Variants in PSTPIP2 observed in about 807,000 individuals in gnomAD.
The protein encoded by PSTPIP2 is proline-serine-threonine phosphatase-interacting protein 2.
A neutral mutation model predicts 63.3 loss-of-function variants in PSTPIP2; 33 were observed. The ratio of observed to expected loss-of-function variants is 0.52; its 90% CI spans 0.40 to 0.70. The LOEUF (loss-of-function observed/expected upper bound fraction) is 0.70. Among genes scored for constraint, PSTPIP2 ranks in the 30% least tolerant of loss-of-function variants. PSTPIP2 has a pLI of 0.00. For synonymous variants in PSTPIP2, 125 were observed against 132.7 expected (o/e 0.94, Z 0.40); for missense variants, 312 against 400.7 (o/e 0.78, Z 1.89).
Position 45,983,711 on chromosome 18 carries a change from T to TAAAGGC in PSTPIP2, c.*1747_*1748insGCCTTT, listed in dbSNP as rs1568205057. ...TATACTTAAAATAGAATGTTCTGAG[T>TAAAGGC]GTAAAGGAACATTTCCTGAGCCCGT... On this transcript the variant is annotated 3_prime_UTR_variant, in exon 15 of 15. Coordinates refer to ENST00000409746, the MANE Select transcript of PSTPIP2 (RefSeq NM_024430.4). The TAAAGGC allele has an allele frequency of 6.6e-6, 1 of 152,012 alleles. No individual in the cohort carries two copies. The highest frequency in any genetic ancestry group is 2.4e-5 in the African/African-American group (1 of 41,348). The allele number at this position is 152,012 out of a possible 1,614,324, so 9.4% of individuals were successfully genotyped here.
At chr18:46,009,774 C>T (rs770685490) in intron 5 of PSTPIP2, among the ~76,000 whole-genome samples, 2 of 152,194 alleles carry the variant, frequency 1.3e-5, no homozygotes, top group Non-Finnish European at 2.9e-5. Context: ...CGTGCCTAGA[C>T]TCTGGTTGTC....
intron 1 of PSTPIP2, among the ~76,000 whole-genome samples, chr18:46,048,474 C>A (rs974044443): frequency 6.6e-6 from 1 of 152,182 alleles, no homozygotes; most frequent in Non-Finnish European, 1.5e-5. Context: ...ACACAACCAC[C>A]TTGACCAAAG....
chr18:46,034,171 G>A (rs1907884693), intron 2 of PSTPIP2, among the ~76,000 whole-genome samples: 1 of 152,154 alleles, frequency 6.6e-6, no homozygotes, highest in South Asian at 2.1e-4. Flanking sequence ...GAGCTTATGG[G>A]GAAGAGTACA....
chr18:46,071,492 T>C (rs981266724), intron 1 of PSTPIP2, among the ~76,000 whole-genome samples: 7 of 152,020 alleles, frequency 4.6e-5, no homozygotes, highest in African/African-American at 1.7e-4. Context: ...CTCCAGCTTA[T>C]AGGGTCTCCC....
At position 46,039,931 on chromosome 18, in the gene PSTPIP2, C is replaced by CAG. The variant is rs781657797; in HGVS notation, c.134+14_134+15dup. Reference sequence around the variant, plus strand: ...CTTGGCCCACCCTCTTCAGAGAGGACAGAGCATCATCGTACCTTTCTTTTA... The same window carrying CAG: ...CTTGGCCCACCCTCTTCAGAGAGGACAGAGAGCATCATCGTACCTTTCTTTTA... On this transcript the variant is annotated intron_variant, in intron 2 of 14. Coordinates refer to ENST00000409746, the MANE Select transcript of PSTPIP2 (RefSeq NM_024430.4). 1.3e-6 allele frequency: 2 copies of CAG among 1,593,394 alleles called. No homozygotes were observed. The highest frequency in any genetic ancestry group is 1.3e-5 in the African/African-American group (1 of 74,554).
intron 13 of PSTPIP2, 35 bp from the exon 14 acceptor site, chr18:45,988,794 A>G (rs765522713): frequency 6.6e-7 from 1 of 1,505,036 alleles, no homozygotes; most frequent in South Asian, 1.1e-5. Flanking sequence ...CAACAGTAAC[A>G]TCAATTTTTC....
chr18:46,057,870 C>A (rs1462390851), intron 1 of PSTPIP2, among the ~76,000 whole-genome samples: 1 of 151,458 alleles, frequency 6.6e-6, no homozygotes, highest in Non-Finnish European at 1.5e-5. Flanking sequence ...TGGTGGCGGG[C>A]GCCTGTAGTC....
At chr18:46,038,034 G>A (rs1568225349) in intron 2 of PSTPIP2, among the ~76,000 whole-genome samples, 1 of 152,150 alleles carries the variant, frequency 6.6e-6, no homozygotes, top group Non-Finnish European at 1.5e-5. Context: ...CCATTTGTGA[G>A]CCATAAATCA....
chr18:46,012,280 A>C (rs560467225), intron 4 of PSTPIP2, among the ~76,000 whole-genome samples: 2 of 152,322 alleles, frequency 1.3e-5, no homozygotes, highest in South Asian at 2.1e-4. Flanking sequence ...GAAAAAAAAA[A>C]CAGCACAACC....
intron 1 of PSTPIP2, among the ~76,000 whole-genome samples, chr18:46,054,742 C>A (rs1280036291): frequency 6.6e-6 from 1 of 150,562 alleles, no homozygotes; most frequent in Non-Finnish European, 1.5e-5. Context: ...CTCACTGCAA[C>A]CTCTGCCTCC....
chr18:46,040,643 C>T (rs1599734644), intron 1 of PSTPIP2, among the ~76,000 whole-genome samples: 2 of 152,326 alleles, frequency 1.3e-5, no homozygotes. Context: ...ACATTTGTGT[C>T]AGTGTTGGGC....
At chr18:46,060,498 T>G (rs1421772948) in intron 1 of PSTPIP2, among the ~76,000 whole-genome samples, 1 of 152,200 alleles carries the variant, frequency 6.6e-6, no homozygotes, top group Non-Finnish European at 1.5e-5. Context: ...AGTGGTTAGC[T>G]GGGTGGCACT....
rs1392824473 is a variant in PSTPIP2 at position 45,999,626 on chromosome 18, AGGGCCG to A, written c.418-98_418-93del. The A allele has an allele frequency of 1.3e-4, 167 of 1,288,942 alleles. 2 individuals are homozygous for A. In the East Asian group the frequency reaches 3.8e-3, roughly 30 times the overall value. 79.8% of individuals were successfully genotyped at this position (1,288,942 alleles called of 1,614,324 possible). ...TTGGCCCAGGAAGTCCAGCATGGACAGGGCCGTCTGATTAGTGCTCTGATTGTCACT... is the reference window on the plus strand; with the variant it reads ...TTGGCCCAGGAAGTCCAGCATGGACATCTGATTAGTGCTCTGATTGTCACT... On this transcript the variant is annotated intron_variant, in intron 6 of 14. Transcript: ENST00000409746.
intron 1 of PSTPIP2, 38 bp downstream of exon 1, chr18:46,072,118 C>T: frequency 6.6e-7 from 1 of 1,525,878 alleles, no homozygotes; most frequent in Non-Finnish European, 8.8e-7. Context: ...CGGGCCGGGT[C>T]CTGAGCCCCG....
rs199673954 is a variant in PSTPIP2, at chr18:45,998,809, C to T, written c.547G>A (p.Ala183Thr). The T allele has an allele frequency of 6.8e-6, 11 of 1,613,778 alleles. No homozygotes were observed. Among genetic ancestry groups the T allele is most frequent in the Admixed American group, 5.0e-5 (3 of 59,974 alleles). ...LFVKLATSKT[A>T]VEDSDKAYML... Reference sequence around the variant, plus strand: ...GCCCCCTCACCTGAGTCCTCTACTGCGGTCTTTGAAGTTGCCAGTTTCACA... The same window carrying T: ...GCCCCCTCACCTGAGTCCTCTACTGTGGTCTTTGAAGTTGCCAGTTTCACA... The change falls in exon 8 of 15, where the codon GCA (alanine) becomes ACA (threonine). Residue 183 changes from alanine (A) to threonine (T), a missense_variant. Coordinates refer to ENST00000409746, the MANE Select transcript of PSTPIP2 (RefSeq NM_024430.4).
chr18:46,015,836 C>T (rs73438258), intron 4 of PSTPIP2, 67 bp downstream of exon 4: 131,637 of 1,519,546 alleles, frequency 0.087, 6,474 homozygotes, highest in African/African-American at 0.18. Context: ...TTAAAACACA[C>T]CTTTGACGAC....
intron 1 of PSTPIP2, among the ~76,000 whole-genome samples, chr18:46,042,690 G>A (rs1908235308): frequency 6.6e-6 from 1 of 152,166 alleles, no homozygotes; most frequent in Non-Finnish European, 1.5e-5. Context: ...GAATGAATGG[G>A]TACCAAATGG....
chr18:46,056,516 CAGGAGTTTGAGACT>C (rs1188303168), intron 1 of PSTPIP2, among the ~76,000 whole-genome samples: 1 of 152,076 alleles, frequency 6.6e-6, no homozygotes, highest in Non-Finnish European at 1.5e-5. Context: ...AGTTTGAGAC[CAGGAGTTTGAGACT>C]AGTCTGGGCC....
chr18:46,067,502 C>CAAAAAAAAAAAAAAA (rs534950641), intron 1 of PSTPIP2, among the ~76,000 whole-genome samples: 1 of 118,310 alleles, frequency 8.5e-6, no homozygotes, highest in African/African-American at 3.2e-5. Context: ...GACTCTGTCT[C>CAAAAAAAAAAAAAAA]AAAAAAAAAA....
Sources: gnomAD v4.1 joint callset for allele counts (sites outside exome capture counted in the v4.1 genomes callset) on GRCh38, gnomAD v4.1.1 for gene constraint, MANE v1.5 for transcripts, NCBI Gene and HGNC (gene_info 2026-07-23, HGNC 2026-07-21) for gene names.